Variants in ALK observed in about 807,000 individuals in gnomAD.
ALK encodes the protein ALK tyrosine kinase receptor.
ALK carries 74 observed loss-of-function variants against 163.1 expected under a neutral mutation model. The observed-to-expected ratio is 0.45, with a 90% CI of 0.38 to 0.55. The LOEUF is 0.55. ALK is among the 20% of genes least tolerant of loss of function. ALK has a pLI of 0.00. For missense variants in ALK, 2,063 were observed against 2,105.3 expected (o/e 0.98, Z 0.39); for synonymous variants, 960 against 843.2 (o/e 1.14, Z -2.40).
chr2:29,240,592 T>C lies in ALK; in HGVS notation c.2205-762A>G, dbSNP rs538176757. On this transcript the variant is annotated intron_variant, in intron 12 of 28. Transcript: ENST00000389048. ...AGCCGACTGTCTATTCCCATCTCAC[T>C]GGTAACTCCTCCTGGAGAAATATGT... is the stretch of plus-strand genomic sequence containing the variant. 3.3e-5 allele frequency among the ~76,000 whole-genome samples: 5 copies of C among 152,304 alleles called. No individual in the cohort carries two copies. The South Asian group carries it at 1.0e-3, about 32-fold the overall frequency.
At chr2:29,523,704 G>C (rs997461519) in intron 4 of ALK, among the ~76,000 whole-genome samples, 2 of 151,994 alleles carry the variant, frequency 1.3e-5, no homozygotes, top group African/African-American at 4.8e-5. Flanking sequence ...GACAAGCACG[G>C]GGTTACAGGT....
chr2:29,892,647 T>C (rs1435400050), intron 1 of ALK, among the ~76,000 whole-genome samples: 5 of 152,152 alleles, frequency 3.3e-5, no homozygotes, highest in African/African-American at 1.2e-4. Context: ...GCTGAAGGGA[T>C]TGGTCACATG....
chr2:29,752,343 CTTTTCTTTTTTTTTTT>C (rs1680389715), intron 1 of ALK, among the ~76,000 whole-genome samples: 1 of 138,296 alleles, frequency 7.2e-6, no homozygotes, highest in Non-Finnish European at 1.6e-5. Context: ...CTGCTATTTT[CTTTTCTTTTTTTTTTT>C]TTTTTTTTGA....
At chr2:29,753,911 A>C (rs1457146200) in intron 1 of ALK, among the ~76,000 whole-genome samples, 1 of 152,236 alleles carries the variant, frequency 6.6e-6, no homozygotes, top group African/African-American at 2.4e-5. Flanking sequence ...GTCTGGCTGA[A>C]TCATTTTGAA....
chr2:29,768,744 T>TATATATAC (rs1680935041), intron 1 of ALK, among the ~76,000 whole-genome samples: 1 of 89,756 alleles, frequency 1.1e-5, no homozygotes, highest in African/African-American at 4.3e-5. Flanking sequence ...TGTGTGTGTG[T>TATATATAC]ATATATGTAT....
intron 4 of ALK, among the ~76,000 whole-genome samples, chr2:29,475,560 T>C (rs1671496046): frequency 6.6e-6 from 1 of 152,100 alleles, no homozygotes; most frequent in Admixed American, 6.5e-5. Context: ...CTCCAGGCCC[T>C]CCCAGACCAC....
At chr2:29,868,758 G>A (rs1187121854) in intron 1 of ALK, among the ~76,000 whole-genome samples, 1 of 152,206 alleles carries the variant, frequency 6.6e-6, no homozygotes, top group Non-Finnish European at 1.5e-5. Flanking sequence ...ATGGGACTTT[G>A]ACATTCCTTC....
At chr2:29,670,779 G>A (rs190625917) in intron 3 of ALK, among the ~76,000 whole-genome samples, 2 of 151,870 alleles carry the variant, frequency 1.3e-5, no homozygotes, top group African/African-American at 4.8e-5. Flanking sequence ...CGATTTTTCT[G>A]TTGAGAGTCT....
intron 3 of ALK, among the ~76,000 whole-genome samples, chr2:29,594,426 C>CT (rs754184164): frequency 0.065 from 8,367 of 128,920 alleles, 860 homozygotes; most frequent in African/African-American, 0.2. Context: ...GGTCTCCTCA[C>CT]TTTTTTTTTT....
chr2:29,525,791 C>CAAAA (rs61519081), intron 4 of ALK, among the ~76,000 whole-genome samples: 2 of 69,170 alleles, frequency 2.9e-5, no homozygotes, highest in East Asian at 4.4e-4. Flanking sequence ...GACTCCATCT[C>CAAAA]AAAAAAAAAA....
rs368126822 is a variant in ALK, at chr2:29,303,452, G to A, written c.1648-6395C>T. ...GTTGGTTGGAATGTAAATTAGTTCA[G>A]TTGCTGTGGAAAACAGTATGGAGAT... is the stretch of plus-strand genomic sequence containing the variant. On this transcript the variant is annotated intron_variant, in intron 8 of 28. Transcript: ENST00000389048. Among the ~76,000 whole-genome samples the A allele has an allele frequency of 1.8e-4, 28 of 152,318 alleles. 1 individual carries two copies. The highest frequency in any genetic ancestry group is 1.2e-3 in the Admixed American group (19 of 15,302).
rs1462510005 is a variant in ALK, at chr2:29,220,717, G to A, written c.3634C>T (p.Arg1212Cys). Residue 1212 changes from arginine to cysteine, a missense_variant, in exon 23 of 29, where the codon CGC becomes TGC. Transcript: ENST00000389048. ...TGGTTCTCACTCACCGGGCGAGGGCGGGTCTCTCGGAGGAAGGACTTGAGG... is the reference window on the plus strand; with the variant it reads ...TGGTTCTCACTCACCGGGCGAGGGCAGGTCTCTCGGAGGAAGGACTTGAGG... ...GDLKSFLRET[R>C]PRPSQPSSLA... 2.5e-6 allele frequency: 4 copies of A among 1,613,642 alleles called. No individual in the cohort carries two copies. Among genetic ancestry groups the A allele is most frequent in the Middle Eastern group, 1.6e-4 (1 of 6,078 alleles).
chr2:29,513,121 A>C (rs1287008402), intron 4 of ALK, among the ~76,000 whole-genome samples: 2 of 151,234 alleles, frequency 1.3e-5, no homozygotes, highest in Non-Finnish European at 2.9e-5. Context: ...GCTACCAATG[A>C]CTTTCTTCAC....
intron 3 of ALK, among the ~76,000 whole-genome samples, chr2:29,564,444 C>T (rs530425481): frequency 9.3e-6 from 1 of 107,828 alleles, no homozygotes; most frequent in Admixed American, 9.9e-5. Context: ...TACCACCACC[C>T]CCACCGCCAC....
At chr2:29,913,205 T>C (rs1371658512) in intron 1 of ALK, among the ~76,000 whole-genome samples, 1 of 152,146 alleles carries the variant, frequency 6.6e-6, no homozygotes, top group Non-Finnish European at 1.5e-5. Flanking sequence ...CTCTGCCCAC[T>C]TTCTGGAATA....
chr2:29,902,932 C>A (rs550386173), intron 1 of ALK, among the ~76,000 whole-genome samples: 1 of 152,282 alleles, frequency 6.6e-6, no homozygotes, highest in South Asian at 2.1e-4. Context: ...AGTGCACTAA[C>A]CTATGCATAT....
At chr2:29,897,170 A>G (rs556235313) in intron 1 of ALK, among the ~76,000 whole-genome samples, 1 of 152,128 alleles carries the variant, frequency 6.6e-6, no homozygotes, top group South Asian at 2.1e-4. Context: ...AAATACAAAA[A>G]TTAGCTGGGC....
At chr2:29,374,122 T>C (rs191054370) in intron 5 of ALK, among the ~76,000 whole-genome samples, 2 of 152,298 alleles carry the variant, frequency 1.3e-5, no homozygotes, top group Admixed American at 6.5e-5. Flanking sequence ...TGTGCAGAAT[T>C]ATTCAGCTCT....
chr2:29,462,619 CAA>C (rs764376172), intron 4 of ALK, among the ~76,000 whole-genome samples: 9 of 152,116 alleles, frequency 5.9e-5, no homozygotes, highest in Non-Finnish European at 1.0e-4. Context: ...ACTTAGTAAA[CAA>C]AACTCATATG....
Sources: gnomAD v4.1 joint callset for allele counts (sites outside exome capture counted in the v4.1 genomes callset) on GRCh38, gnomAD v4.1.1 for gene constraint, MANE v1.5 for transcripts, NCBI Gene and HGNC (gene_info 2026-07-23, HGNC 2026-07-21) for gene names.